Variants in GLT1D1 observed in about 807,000 individuals in gnomAD.
The protein encoded by GLT1D1 is glycosyltransferase 1 domain containing 1.
Under a neutral mutation model 28.7 loss-of-function variants are expected in GLT1D1, and 21 were observed. The observed-to-expected ratio is 0.73, with a 90% CI of 0.52 to 1.05. The LOEUF (loss-of-function observed/expected upper bound fraction) is 1.05. GLT1D1 is among the 50% of genes least tolerant of loss of function. GLT1D1 has a pLI of 0.00. For missense variants in GLT1D1, 343 were observed against 330.6 expected (o/e 1.04, Z -0.29); for synonymous variants, 147 against 124.8 (o/e 1.18, Z -1.19).
At chr12:128,931,390 C>G (rs1362230054) in intron 4 of GLT1D1, among the ~76,000 whole-genome samples, 1 of 151,630 alleles carries the variant, frequency 6.6e-6, no homozygotes, top group East Asian at 1.9e-4. Context: ...TCACTGCAAC[C>G]TCCGCCTCCT....
intron 4 of GLT1D1, 25 bp downstream of exon 5, chr12:128,912,485 A>C (rs1448822109): frequency 7.5e-7 from 1 of 1,326,320 alleles, no homozygotes; most frequent in Non-Finnish European, 1.0e-6. Flanking sequence ...ATATTTATTT[A>C]CTTATGTACA....
intron 6 of GLT1D1, among the ~76,000 whole-genome samples, chr12:128,956,420 T>A (rs1284446128): frequency 1.3e-5 from 2 of 152,170 alleles, no homozygotes; most frequent in East Asian, 3.8e-4. Context: ...GTTGCTGAAA[T>A]ATGGTTTTTA....
chr12:128,983,298 C>T lies in GLT1D1; in HGVS notation c.*208C>T, dbSNP rs1880514736. On this transcript the variant is annotated 3_prime_UTR_variant, in exon 8 of 8. Coordinates refer to ENST00000281703, the MANE Select transcript of GLT1D1 (RefSeq NM_144669.3). This position sits in a 1 kb window ranked among gnomAD's most constrained non-coding sequence, Gnocchi z 4.7. The stretch of plus-strand genomic sequence containing the variant: ...CAGATGCTGTCCCAGGCGTGTTCAC[C>T]AGCCAGTCCTGATGGAGGTGCATGA... 5.5e-6 allele frequency: 3 copies of T among 542,526 alleles called. No individual in the cohort carries two copies. The highest frequency in any genetic ancestry group is 3.1e-5 in the Admixed American group (1 of 32,208). The allele number at this position is 542,526 out of a possible 1,614,324, so 33.6% of individuals were successfully genotyped here. A position where few individuals can be genotyped will look rare whatever the true frequency, so the allele number is the denominator to read the frequency against.
intron 4 of GLT1D1, among the ~76,000 whole-genome samples, chr12:128,903,292 C>G (rs1870494170): frequency 6.6e-6 from 1 of 151,706 alleles, no homozygotes; most frequent in Non-Finnish European, 1.5e-5. Flanking sequence ...GGCCTGTCTC[C>G]ATGGGGTCTG....
chr12:128,899,131 T>G, intron 3 of GLT1D1, 105 bp from the exon 4 acceptor site: 2 of 783,760 alleles, frequency 2.6e-6, no homozygotes, highest in South Asian at 3.0e-5. Context: ...ATTTTAAATT[T>G]AGTGTCTCAC....
chr12:128,927,249 A>AT (rs1873321251), intron 4 of GLT1D1, 95 bp downstream of exon 8: 3 of 1,005,520 alleles, frequency 3.0e-6, no homozygotes, highest in South Asian at 1.4e-5. Context: ...GCTCTTCTTT[A>AT]TTTTTTTGAG....
intron 4 of GLT1D1, chr12:128,944,285 CT>C (rs1157931400): frequency 6.2e-6 from 4 of 640,152 alleles, no homozygotes; most frequent in Non-Finnish European, 1.2e-5. Context: ...GTAACTGAAG[CT>C]TCCTGGCTTG....
chr12:128,888,845 C>T (rs1868701829), intron 3 of GLT1D1, 101 bp downstream of exon 3: 1 of 733,972 alleles, frequency 1.4e-6, no homozygotes, highest in Non-Finnish European at 2.3e-6. Flanking sequence ...GGAAGGTTTA[C>T]ATCTTAGCAC....
chr12:128,973,546 C>T (rs1389698052), intron 7 of GLT1D1, among the ~76,000 whole-genome samples: 3 of 151,560 alleles, frequency 2.0e-5, no homozygotes, highest in Non-Finnish European at 4.4e-5. Flanking sequence ...GGCAGATTTA[C>T]CGCCGCACTT....
chr12:128,901,956 A>G (rs1050946492), intron 4 of GLT1D1, among the ~76,000 whole-genome samples: 3 of 151,748 alleles, frequency 2.0e-5, no homozygotes, highest in African/African-American at 7.3e-5. Context: ...GAAAGCCAGC[A>G]TGAGGTTGTC....
rs570977553 is a variant in GLT1D1, at chr12:128,860,876, G to A, written c.68+7227G>A. ...GAACATTTGCCAGGAGAGCCAGGCC[G>A]TCCTCACGGAACCGGGGAAATTGGT... is the stretch of plus-strand genomic sequence containing the variant. On this transcript the variant is annotated intron_variant, in intron 1 of 7. Coordinates refer to ENST00000281703, the MANE Select transcript of GLT1D1 (RefSeq NM_144669.3). Among the ~76,000 whole-genome samples, 10 of 152,218 alleles carry A rather than the reference G, an allele frequency of 6.6e-5. No homozygotes were observed. In the East Asian group the frequency reaches 7.7e-4, roughly 12 times the overall value.
chr12:128,878,616 CT>C (rs1019180767), intron 2 of GLT1D1, among the ~76,000 whole-genome samples: 2 of 148,296 alleles, frequency 1.3e-5, no homozygotes, highest in Non-Finnish European at 3.0e-5. Flanking sequence ...TTTTTTTTTT[CT>C]TTTTTTTTGA....
intron 2 of GLT1D1, among the ~76,000 whole-genome samples, chr12:128,886,507 C>T (rs755461818): frequency 3.3e-5 from 5 of 152,142 alleles, no homozygotes; most frequent in Non-Finnish European, 5.9e-5. Flanking sequence ...ATTCAGGTGT[C>T]AGCAGCTGCG....
intron 7 of GLT1D1, among the ~76,000 whole-genome samples, chr12:128,979,696 T>C (rs1221584805): frequency 5.9e-5 from 9 of 151,984 alleles, no homozygotes; most frequent in Admixed American, 5.9e-4. Flanking sequence ...GAGGCTGCAG[T>C]GAGCTGTGGT....
intron 7 of GLT1D1, among the ~76,000 whole-genome samples, chr12:128,967,107 T>C (rs1457191493): frequency 1.3e-5 from 2 of 152,256 alleles, no homozygotes; most frequent in Admixed American, 1.3e-4. Flanking sequence ...AGCTCAAACC[T>C]ATTTTGCTTG....
rs376956933 is a variant in GLT1D1 at position 128,875,054 on chromosome 12, TTGTGTGTGTG to T, written c.69-832_69-823del. On this transcript the variant is annotated intron_variant, in intron 1 of 7. Coordinates refer to ENST00000281703, the MANE Select transcript of GLT1D1 (RefSeq NM_144669.3). ...GAGACATGTTTGAAAGACATAAATATTGTGTGTGTGTGTGTGTGTGTGTGTGTGTGTGTGT... is the reference window on the plus strand; with the variant it reads ...GAGACATGTTTGAAAGACATAAATATTGTGTGTGTGTGTGTGTGTGTGTGT... 5.6e-5 allele frequency among the ~76,000 whole-genome samples: 8 copies of T among 143,898 alleles called. No homozygotes were observed. The East Asian group carries it at 8.1e-4, about 15-fold the overall frequency. 94.4% of individuals were successfully genotyped at this position (143,898 alleles called of 152,430 possible). A position where few individuals can be genotyped will look rare whatever the true frequency, so the allele number is the denominator to read the frequency against.
intron 4 of GLT1D1, among the ~76,000 whole-genome samples, chr12:128,903,931 A>G (rs1020921824): frequency 6.6e-6 from 1 of 151,664 alleles, no homozygotes; most frequent in African/African-American, 2.4e-5. Context: ...GGGTTTCACC[A>G]TGTTGGCCAG....
chr12:128,856,907 A>G (rs515676), intron 1 of GLT1D1, among the ~76,000 whole-genome samples: 18,361 of 152,144 alleles, frequency 0.12, 1,445 homozygotes, highest in African/African-American at 0.22. Flanking sequence ...CGGAGGTTGC[A>G]TGAGCCAAGA....
intron 4 of GLT1D1, chr12:128,944,713 G>A (rs1449687369): frequency 6.3e-6 from 4 of 639,020 alleles, no homozygotes; most frequent in African/African-American, 3.6e-5. Flanking sequence ...AGATTTTGCA[G>A]TTCCTGAAGG....
Sources: allele counts gnomAD v4.1 joint callset (sites outside exome capture counted in the v4.1 genomes callset), GRCh38; gene constraint gnomAD v4.1.1; non-coding constraint Gnocchi (gnomAD v3.1); transcripts MANE v1.5; gene names NCBI Gene and HGNC (gene_info 2026-07-23, HGNC 2026-07-21).